EXOC2: variants seen among roughly 807,000 people sequenced by gnomAD.
The protein encoded by EXOC2 is SEC5-like 1.
In EXOC2, 70 loss-of-function variants were observed where a neutral mutation model predicts 131.8. The ratio of observed to expected loss-of-function variants is 0.53; its 90% CI spans 0.44 to 0.65. The LOEUF is 0.65. Ranked by LOEUF, EXOC2 falls within the 30% of genes least tolerant of loss-of-function variation. EXOC2 has a pLI of 0.00. For missense variants in EXOC2, 923 were observed against 1,108.6 expected, an observed-to-expected ratio of 0.83 and a Z score of 2.38; for synonymous variants, 411 against 398.4, an observed-to-expected ratio of 1.03 and a Z score of -0.38.
chr6:505,811 T>C (rs1190832325), intron 23 of EXOC2, among the ~76,000 whole-genome samples: 1 of 152,214 alleles, frequency 6.6e-6, no homozygotes, highest in Non-Finnish European at 1.5e-5. Flanking sequence ...GGCACACAGA[T>C]GGCACAAGAT....
intron 21 of EXOC2, among the ~76,000 whole-genome samples, chr6:549,807 G>C (rs1408485760): frequency 6.6e-6 from 1 of 152,188 alleles, no homozygotes; most frequent in Admixed American, 6.5e-5. Context: ...AGGGCATTAA[G>C]AATTGCTTGT....
In EXOC2 at chr6:549,379, C is replaced by T. The variant is rs189476901; in HGVS notation, c.2122-88G>A. On this transcript the variant is annotated intron_variant, in intron 21 of 27. Coordinates refer to ENST00000230449, the MANE Select transcript of EXOC2 (RefSeq NM_018303.6). ...CACTTGTCAAGTTTAATTATAATCT[C>T]TGCTCTTTAACGTCAATATCCAATG... The T allele has an allele frequency of 3.7e-5, 35 of 938,506 alleles. No homozygotes were observed. In the African/African-American group the frequency reaches 4.6e-4, roughly 12 times the overall value. 58.1% of individuals were successfully genotyped at this position (938,506 alleles called of 1,614,324 possible). A position where few individuals can be genotyped will look rare whatever the true frequency, so the allele number is the denominator to read the frequency against.
chr6:537,126 C>T (rs1766487300), intron 22 of EXOC2, among the ~76,000 whole-genome samples: 1 of 152,206 alleles, frequency 6.6e-6, no homozygotes, highest in Admixed American at 6.5e-5. Flanking sequence ...TAAGTGTTGG[C>T]TAGGATGCAG....
At chr6:614,992 T>C (rs1305994666) in intron 6 of EXOC2, among the ~76,000 whole-genome samples, 23 of 152,106 alleles carry the variant, frequency 1.5e-4, no homozygotes, top group East Asian at 1.2e-3. Flanking sequence ...GAAGAATCAA[T>C]GTTAAAAAAA....
rs1328787591 is a variant in EXOC2, at chr6:487,445, C to T, written c.2682-681G>A. 5.9e-5 allele frequency among the ~76,000 whole-genome samples: 9 copies of T among 152,154 alleles called. No homozygotes were observed. The East Asian group carries it at 7.7e-4, about 13-fold the overall frequency. ...TTTTTCAGATGGAGTTTTGCTCTGT[C>T]GCCCAGGCTGGAGTGCAGTGGCGCG... is the stretch of plus-strand genomic sequence containing the variant. On this transcript the variant is annotated intron_variant, in intron 27 of 27. Transcript: ENST00000230449.
chr6:685,774 A>T lies in EXOC2; in HGVS notation c.-44+7245T>A, dbSNP rs920615051. Among the ~76,000 whole-genome samples, 37 of 151,582 alleles carry T rather than the reference A, an allele frequency of 2.4e-4. 1 individual carries two copies. On this transcript the variant is annotated intron_variant, in intron 1 of 27. Coordinates refer to ENST00000230449, the MANE Select transcript of EXOC2 (RefSeq NM_018303.6). Reference sequence around the variant, plus strand: ...CCAAATTGTATAGAGTTACGGCCTGATAAGGGCAGAAGACTCGCTGGGTCT... The same window carrying T: ...CCAAATTGTATAGAGTTACGGCCTGTTAAGGGCAGAAGACTCGCTGGGTCT...
intron 1 of EXOC2, among the ~76,000 whole-genome samples, chr6:660,849 T>G (rs1278314133): frequency 6.6e-6 from 1 of 152,070 alleles, no homozygotes; most frequent in African/African-American, 2.4e-5. Flanking sequence ...GTTATTAAGC[T>G]AATCAAGGAG....
chr6:680,499 C>G (rs1017252670), intron 1 of EXOC2, among the ~76,000 whole-genome samples: 2 of 152,134 alleles, frequency 1.3e-5, no homozygotes, highest in Non-Finnish European at 2.9e-5. Flanking sequence ...TTTACATTGC[C>G]TTCCCTGTGG....
At chr6:572,468 C>T in intron 13 of EXOC2, 52 bp downstream of exon 13, 2 of 1,554,324 alleles carry the variant, frequency 1.3e-6, no homozygotes, top group Non-Finnish European at 1.7e-6. Context: ...ATTTTAAAGA[C>T]CAGAAATGCA....
chr6:601,100 CA>C (rs2127645359), intron 7 of EXOC2, among the ~76,000 whole-genome samples: 1 of 152,202 alleles, frequency 6.6e-6, no homozygotes, highest in African/African-American at 2.4e-5. Flanking sequence ...AATAAGAAAA[CA>C]AAACTATTGA....
intron 25 of EXOC2, among the ~76,000 whole-genome samples, chr6:493,782 CAT>C (rs373683248): frequency 1.6e-4 from 24 of 152,322 alleles, no homozygotes; most frequent in East Asian, 1.5e-3. Context: ...TCAAAATACA[CAT>C]GTCTGTCCAG....
At chr6:629,181 G>C (rs1761724536) in intron 4 of EXOC2, among the ~76,000 whole-genome samples, 1 of 152,206 alleles carries the variant, frequency 6.6e-6, no homozygotes, top group Non-Finnish European at 1.5e-5. Flanking sequence ...AGAGTTTACA[G>C]AGCAATACTC....
chr6:589,425 A>AGAACT (rs113965849), intron 11 of EXOC2, among the ~76,000 whole-genome samples: 1,894 of 152,286 alleles, frequency 0.012, 43 homozygotes, highest in African/African-American at 0.043. Flanking sequence ...GCCGATCCGG[A>AGAACT]GAACTGACTG....
rs576664050 is a variant in EXOC2, at chr6:493,953, C to T, written c.2560-2767G>A. On this transcript the variant is annotated intron_variant, in intron 25 of 27. Coordinates refer to ENST00000230449, the MANE Select transcript of EXOC2 (RefSeq NM_018303.6). ...GTTTAGCCATCAGATAAATGGATTA[C>T]GGAGGTAATGTGTAGAGAGGGCGGA... Among the ~76,000 whole-genome samples the T allele has an allele frequency of 5.3e-5, 8 of 152,224 alleles. No individual in the cohort carries two copies. The South Asian group carries it at 6.2e-4, about 12-fold the overall frequency.
intron 1 of EXOC2, among the ~76,000 whole-genome samples, chr6:687,152 G>GTCA (rs965999784): frequency 7.4e-6 from 1 of 134,254 alleles, no homozygotes; most frequent in Non-Finnish European, 1.6e-5. Flanking sequence ...GATTGAAGAA[G>GTCA]TCATTATCAA....
chr6:492,190 T>A (rs1182562566), intron 25 of EXOC2, among the ~76,000 whole-genome samples: 1 of 152,158 alleles, frequency 6.6e-6, no homozygotes, highest in Non-Finnish European at 1.5e-5. Context: ...ATCCAGAATG[T>A]GAAAGGACGA....
In EXOC2 at chr6:596,321, C is replaced by T. The variant is rs563621861; in HGVS notation, c.1073+1700G>A. Among the ~76,000 whole-genome samples the T allele has an allele frequency of 9.0e-4, 136 of 151,868 alleles. 5 individuals carry two copies. The highest frequency in any genetic ancestry group is 2.9e-3 in the African/African-American group (120 of 41,228). On this transcript the variant is annotated intron_variant, in intron 10 of 27. Transcript: ENST00000230449. The stretch of plus-strand genomic sequence containing the variant: ...AGGTCCAGGTGCGGATCTTTTCCCC[C>T]GTTCACACTTGCACACACAGCAGCT...
At chr6:555,159 A>T in intron 20 of EXOC2, 68 bp downstream of exon 20, 1 of 905,268 alleles carries the variant, frequency 1.1e-6, no homozygotes, top group Non-Finnish European at 1.6e-6. Context: ...AAGACCAAGC[A>T]TAAAACTTGA....
rs187491333 is a variant in EXOC2, at chr6:679,677, C to T, written c.-44+13342G>A. Among the ~76,000 whole-genome samples, 275 of 152,056 alleles carry T rather than the reference C, an allele frequency of 1.8e-3. 1 individual carries two copies. Among genetic ancestry groups the T allele is most frequent in the Admixed American group, 3.7e-3 (56 of 15,270 alleles). On this transcript the variant is annotated intron_variant, in intron 1 of 27. Transcript: ENST00000230449. ...ACTGCAAAAATGTATTACAGCAAGACGGGGAAAAAACGGAAACATCCACCA... is the reference window on the plus strand; with the variant it reads ...ACTGCAAAAATGTATTACAGCAAGATGGGGAAAAAACGGAAACATCCACCA...
Sources: allele counts gnomAD v4.1 joint callset (sites outside exome capture counted in the v4.1 genomes callset), GRCh38; gene constraint gnomAD v4.1.1; transcripts MANE v1.5; gene names NCBI Gene and HGNC (gene_info 2026-07-23, HGNC 2026-07-21).